The following POC5 variants were observed in gnomAD, a reference collection of about 807,000 sequenced individuals.
The protein encoded by POC5 is centrosomal protein POC5.
POC5 carries 48 observed loss-of-function variants against 62.9 expected under a neutral mutation model. The ratio of observed to expected loss-of-function variants is 0.76; its 90% CI spans 0.61 to 0.97. The LOEUF (loss-of-function observed/expected upper bound fraction) is 0.97. Among genes scored for constraint, POC5 ranks in the 50% least tolerant of loss-of-function variants. POC5 has a pLI of 0.00. For missense variants in POC5, 696 were observed against 679.5 expected (o/e 1.02, Z -0.27); for synonymous variants, 236 against 228.2 (o/e 1.03, Z -0.31).
chr5:75,699,581 G>C lies in POC5; in HGVS notation c.513+3024C>G, dbSNP rs1302870086. ...TGGGATGTATCTCAAAATAATAAGAGCTATCTATGACAAACCCACAGCCAA... is the reference window on the plus strand; with the variant it reads ...TGGGATGTATCTCAAAATAATAAGACCTATCTATGACAAACCCACAGCCAA... On this transcript the variant is annotated intron_variant, in intron 5 of 11. Coordinates refer to ENST00000428202, the MANE Select transcript of POC5 (RefSeq NM_001099271.2). 3.0e-5 allele frequency among the ~76,000 whole-genome samples: 4 copies of C among 134,410 alleles called. No homozygotes were observed. In the East Asian group the frequency reaches 6.2e-4, roughly 21 times the overall value. 88.2% of individuals were successfully genotyped at this position (134,410 alleles called of 152,430 possible).
intron 11 of POC5, among the ~76,000 whole-genome samples, chr5:75,675,549 A>G (rs10515214): frequency 0.26 from 39,268 of 152,202 alleles, 6,141 homozygotes; most frequent in East Asian, 0.43. Flanking sequence ...GTCAGATTCC[A>G]TTTTAAAAAG....
rs541887852 is a variant in POC5, at chr5:75,687,023, CAT to C, written c.1130-1541_1130-1540del. 1.2e-3 allele frequency among the ~76,000 whole-genome samples: 181 copies of C among 148,872 alleles called. 1 individual carries two copies. Among genetic ancestry groups the C allele is most frequent in the African/African-American group, 4.1e-3 (163 of 39,362 alleles). On this transcript the variant is annotated intron_variant, in intron 9 of 11. Coordinates refer to ENST00000428202, the MANE Select transcript of POC5 (RefSeq NM_001099271.2). ...AGGAACTTTACATTATTAAAAACTG[CAT>C]TATAAAAAACAATTTTTTTTTTTGT...
At chr5:75,704,451 T>C (rs187330257) in intron 4 of POC5, among the ~76,000 whole-genome samples, 1 of 152,302 alleles carries the variant, frequency 6.6e-6, no homozygotes, top group East Asian at 1.9e-4. Context: ...TTCCCTAACA[T>C]GTGTGTTTGG....
At chr5:75,677,037 G>A (rs1367393207) in intron 11 of POC5, among the ~76,000 whole-genome samples, 2 of 152,030 alleles carry the variant, frequency 1.3e-5, no homozygotes, top group Non-Finnish European at 2.9e-5. Flanking sequence ...TTTATAAAAT[G>A]CCTTAATACA....
intron 2 of POC5, chr5:75,709,627 G>A (rs569729079): frequency 6.6e-6 from 1 of 152,172 alleles, no homozygotes; most frequent in Non-Finnish European, 1.5e-5. Context: ...ATTGACAAAA[G>A]TAACTATGAT....
chr5:75,690,529 G>T lies in POC5; in HGVS notation c.829C>A (p.Gln277Lys). 6.3e-7 allele frequency: 1 copy of T among 1,595,204 alleles called. No individual in the cohort carries two copies. The highest frequency in any genetic ancestry group is 1.7e-5 in the Admixed American group (1 of 57,436). Residue 277 changes from glutamine (Q) to lysine (K), a missense_variant, in exon 8 of 12, where the codon CAG (glutamine) becomes AAG (lysine). Physicochemically the swap from Gln to Lys is moderately conservative, Grantham distance 53. Transcript: ENST00000428202. The part of the protein sequence containing the change: ...YEGKLADQYY[Q>K]RTLLKKVWKV... ...CAGACTTTCTTCAGTAAAGTTCTCT[G>T]GTAGTACTGGTCAGCTAGTTTACCT...
Position 75,689,644 on chromosome 5 carries a change from C to T in POC5, c.976-479G>A. 5.1e-6 allele frequency: 5 copies of T among 985,328 alleles called. No individual in the cohort carries two copies. The African/African-American group carries it at 5.2e-5, about 10-fold the overall frequency. 61.0% of individuals were successfully genotyped at this position (985,328 alleles called of 1,614,324 possible). ...ACAACACACTTTCCCATAGGCCAAACCTCAGGGGACTGCATTTTTTGCATG... is the reference window on the plus strand; with the variant it reads ...ACAACACACTTTCCCATAGGCCAAATCTCAGGGGACTGCATTTTTTGCATG... On this transcript the variant is annotated intron_variant, in intron 8 of 11. Coordinates refer to ENST00000428202, the MANE Select transcript of POC5 (RefSeq NM_001099271.2).
At chr5:75,687,460 T>A (rs1015526440) in intron 9 of POC5, among the ~76,000 whole-genome samples, 1 of 152,256 alleles carries the variant, frequency 6.6e-6, no homozygotes, top group Non-Finnish European at 1.5e-5. Context: ...TGAATTATAC[T>A]GAACTTTTTT....
chr5:75,699,665 G>T (rs1776778770), intron 5 of POC5, among the ~76,000 whole-genome samples: 2 of 142,674 alleles, frequency 1.4e-5, no homozygotes, highest in South Asian at 4.9e-4. Context: ...TACAAGACAG[G>T]GATGCCCTCT....
At chr5:75,704,318 ATC>A (rs1453183284) in intron 4 of POC5, among the ~76,000 whole-genome samples, 1 of 152,228 alleles carries the variant, frequency 6.6e-6, no homozygotes, top group Non-Finnish European at 1.5e-5. Flanking sequence ...GGAAAGATGA[ATC>A]TATGATAGAG....
intron 5 of POC5, among the ~76,000 whole-genome samples, chr5:75,701,210 C>G (rs1459798700): frequency 7.0e-6 from 1 of 142,384 alleles, no homozygotes; most frequent in Admixed American, 7.1e-5. Context: ...CCCAGCCATC[C>G]CATTACGGGG....
At chr5:75,712,791 T>C in intron 2 of POC5, 63 bp downstream of exon 2, 1 of 1,224,368 alleles carries the variant, frequency 8.2e-7, no homozygotes, top group Non-Finnish European at 1.1e-6. Context: ...AATCCTAGTT[T>C]TCCCTTACAT....
chr5:75,694,908 A>G (rs1776495659), intron 5 of POC5, 77 bp from the exon 6 acceptor site: 1 of 1,053,964 alleles, frequency 9.5e-7, no homozygotes, highest in African/African-American at 1.6e-5. Flanking sequence ...AAATAAAGAA[A>G]CATTAAAAAA....
At chr5:75,696,493 G>GGT (rs2112145988) in intron 5 of POC5, among the ~76,000 whole-genome samples, 1 of 152,108 alleles carries the variant, frequency 6.6e-6, no homozygotes, top group Admixed American at 6.5e-5. Context: ...ACCTGCAGCT[G>GGT]AGGGTCCTGT....
chr5:75,693,681 A>T (rs766705039), intron 6 of POC5, among the ~76,000 whole-genome samples: 1 of 152,204 alleles, frequency 6.6e-6, no homozygotes, highest in Non-Finnish European at 1.5e-5. Context: ...TGTTTAAAAA[A>T]ATTATAATCT....
intron 8 of POC5, among the ~76,000 whole-genome samples, chr5:75,690,041 A>G (rs1776258551): frequency 6.6e-6 from 1 of 152,072 alleles, no homozygotes; most frequent in Non-Finnish European, 1.5e-5. Context: ...ATGTGCCACC[A>G]TACCCAGCTA....
At position 75,707,845 on chromosome 5, in the gene POC5, T is replaced by C; in HGVS notation, c.115A>G (p.Ile39Val). Residue 39 changes from isoleucine (I) to valine (V), a missense_variant, in exon 3 of 12, where the codon ATA becomes GTA. Transcript: ENST00000428202. ...EEYEELLHYA[I>V]VTPNIEPCAS... Reference sequence around the variant, plus strand: ...CAGGGTTCAATATTTGGAGTCACTATAGCATAATGAAGCAGTTCTTCATAT... The same window carrying C: ...CAGGGTTCAATATTTGGAGTCACTACAGCATAATGAAGCAGTTCTTCATAT... 1 of 1,591,170 alleles carries C rather than the reference T, an allele frequency of 6.3e-7. No homozygotes were observed. Among genetic ancestry groups the C allele is most frequent in the Non-Finnish European group, 8.6e-7 (1 of 1,165,274 alleles).
intron 2 of POC5, among the ~76,000 whole-genome samples, chr5:75,711,850 C>T (rs1000918162): frequency 2.0e-5 from 3 of 152,118 alleles, no homozygotes; most frequent in African/African-American, 4.8e-5. Context: ...TATCTCTTCA[C>T]GAAATGAAAT....
rs1441814772 is a variant in POC5 at position 75,689,067 on chromosome 5, A to T, written c.1074T>A (p.Gly358=). 6.2e-7 allele frequency: 1 copy of T among 1,606,086 alleles called. No individual in the cohort carries two copies. The highest frequency in any genetic ancestry group is 8.5e-7 in the Non-Finnish European group (1 of 1,176,290). The change falls in exon 9 of 12, where the codon GGT becomes GGA. Residue 358 remains glycine (G), a synonymous_variant. Transcript: ENST00000428202. The part of the protein sequence containing the change: ...EDSMKKAFMR[G]VCALNLEAMT... ...TGGCTTCAAGATTTAATGCACATAC[A>T]CCCCTCATGAAAGCTTTTTTCATGG... is the stretch of plus-strand genomic sequence containing the variant.
Sources: gnomAD v4.1 joint callset for allele counts (sites outside exome capture counted in the v4.1 genomes callset) on GRCh38, gnomAD v4.1.1 for gene constraint, MANE v1.5 for transcripts, NCBI Gene and HGNC (gene_info 2026-07-23, HGNC 2026-07-21) for gene names.